SENP6: variants seen among roughly 807,000 people sequenced by gnomAD.
SENP6 encodes sentrin-specific protease 6.
Under a neutral mutation model 134.5 loss-of-function variants are expected in SENP6, and 41 were observed. The observed-to-expected ratio is 0.30, with a 90% CI of 0.24 to 0.40. The LOEUF (loss-of-function observed/expected upper bound fraction) is 0.40, where lower values mean the gene tolerates loss of function less well. Among genes scored for constraint, SENP6 ranks in the 10% least tolerant of loss-of-function variants. SENP6 has a pLI of 1.00. For missense variants in SENP6, 1,248 were observed against 1,312.5 expected (o/e 0.95, Z 0.76); for synonymous variants, 395 against 429.8 (o/e 0.92, Z 1.00).
chr6:75,624,960 C>T (rs1332634479), intron 3 of SENP6, among the ~76,000 whole-genome samples: 1 of 151,836 alleles, frequency 6.6e-6, no homozygotes, highest in African/African-American at 2.4e-5. Flanking sequence ...AGTGAGACTC[C>T]ATCTCTAAAA....
At chr6:75,683,084 TA>T (rs1238925481) in intron 16 of SENP6, among the ~76,000 whole-genome samples, 1 of 152,238 alleles carries the variant, frequency 6.6e-6, no homozygotes, top group Non-Finnish European at 1.5e-5. Flanking sequence ...CCTGACTTTT[TA>T]AAGATTGCCA....
chr6:75,713,390 TGA>T, intron 21 of SENP6, 121 bp from the exon 22 acceptor site: 1 of 747,138 alleles, frequency 1.3e-6, no homozygotes, highest in South Asian at 1.9e-5. Flanking sequence ...TCAGTAGTAC[TGA>T]GTCATACAAA....
chr6:75,615,648 G>A (rs1311243027), intron 1 of SENP6, among the ~76,000 whole-genome samples: 1 of 152,278 alleles, frequency 6.6e-6, no homozygotes, highest in East Asian at 1.9e-4. Flanking sequence ...CTGTCTTTTT[G>A]TGAGATTGCT....
chr6:75,624,092 C>T (rs1768484718), intron 3 of SENP6, 132 bp downstream of exon 3: 1 of 630,254 alleles, frequency 1.6e-6, no homozygotes, highest in Non-Finnish European at 2.7e-6. Context: ...ATGGTGTTCC[C>T]AGTTTGTTAT....
Position 75,697,452 on chromosome 6 carries a change from A to G in SENP6, c.2223A>G (p.Val741=), listed in dbSNP as rs1479294377. 7 of 1,613,512 alleles carry G rather than the reference A, an allele frequency of 4.3e-6. No individual in the cohort carries two copies. Among genetic ancestry groups the G allele is most frequent in the Non-Finnish European group, 5.9e-6 (7 of 1,179,604 alleles). The change falls in exon 18 of 24, where the codon GTA becomes GTG. Residue 741 remains valine (V), a synonymous_variant. Coordinates refer to ENST00000447266, the MANE Select transcript of SENP6 (RefSeq NM_015571.4). ...LSIQQKRHGR[V]KTWTRHVDIF... ...TACAGCAAAAACGGCATGGGAGAGT[A>G]AAAACATGGACCCGGCACGTAGATA...
At chr6:75,619,142 ATGT>A (rs1160786522) in intron 1 of SENP6, among the ~76,000 whole-genome samples, 2 of 152,014 alleles carry the variant, frequency 1.3e-5, no homozygotes, top group East Asian at 1.9e-4. Context: ...TACATTTATA[ATGT>A]TGTGCAGCCA....
At chr6:75,697,801 C>CA (rs1476967506) in intron 18 of SENP6, 30 of 267,768 alleles carry the variant, frequency 1.1e-4, no homozygotes, top group African/African-American at 5.7e-4. Flanking sequence ...TATTGTCTAG[C>CA]AAGTAACCTA....
chr6:75,690,693 TTTTTTG>T (rs1267734119), intron 16 of SENP6, among the ~76,000 whole-genome samples: 3 of 131,906 alleles, frequency 2.3e-5, no homozygotes, highest in Non-Finnish European at 3.5e-5. Context: ...GGTTTTTTTG[TTTTTTG>T]TTTTTTTTTT....
At chr6:75,626,354 T>C (rs1768693965) in intron 3 of SENP6, among the ~76,000 whole-genome samples, 1 of 151,918 alleles carries the variant, frequency 6.6e-6, no homozygotes, top group Non-Finnish European at 1.5e-5. Flanking sequence ...TATATATATA[T>C]ATGTAAGCAT....
At chr6:75,670,453 A>G (rs1432552516) in intron 10 of SENP6, 100 bp from the exon 11 acceptor site, 1 of 742,258 alleles carries the variant, frequency 1.3e-6, no homozygotes, top group Non-Finnish European at 2.1e-6. Flanking sequence ...TTATGTTGTG[A>G]TATTTACATT....
At chr6:75,668,060 T>TACC (rs1772383404) in intron 10 of SENP6, among the ~76,000 whole-genome samples, 1 of 152,186 alleles carries the variant, frequency 6.6e-6, no homozygotes, top group South Asian at 2.1e-4. Flanking sequence ...ACATATATAC[T>TACC]TGGTTATTAA....
At chr6:75,628,115 TATC>T (rs143455508) in intron 3 of SENP6, among the ~76,000 whole-genome samples, 1 of 152,352 alleles carries the variant, frequency 6.6e-6, no homozygotes, top group Non-Finnish European at 1.5e-5. Context: ...GATATGATAG[TATC>T]ATCTATTTTA....
chr6:75,650,194 A>C (rs2149851842), intron 7 of SENP6, among the ~76,000 whole-genome samples: 1 of 152,302 alleles, frequency 6.6e-6, no homozygotes, highest in South Asian at 2.1e-4. Flanking sequence ...CTTCCACAGA[A>C]ATGATGTTGT....
chr6:75,671,559 T>A (rs1390139448), intron 11 of SENP6, among the ~76,000 whole-genome samples: 1 of 152,054 alleles, frequency 6.6e-6, no homozygotes, highest in African/African-American at 2.4e-5. Context: ...CCATCTCTAC[T>A]AAAAATAGAA....
At position 75,715,748 on chromosome 6, in the gene SENP6, A is replaced by G; in HGVS notation, c.*154A>G. The G allele has an allele frequency of 1.9e-6, 1 of 534,486 alleles. No individual in the cohort carries two copies. Among genetic ancestry groups the G allele is most frequent in the South Asian group, 3.2e-5 (1 of 31,496 alleles). The allele number at this position is 534,486 out of a possible 1,614,324, so 33.1% of individuals were successfully genotyped here. A position where few individuals can be genotyped will look rare whatever the true frequency, so the allele number is the denominator to read the frequency against. ...ATAATTAATTTCCAAAGGCGTATGT[A>G]TTAAGTAAAAGTCTGTAAATATGTT... is the stretch of plus-strand genomic sequence containing the variant. On this transcript the variant is annotated 3_prime_UTR_variant, in exon 24 of 24. Coordinates refer to ENST00000447266, the MANE Select transcript of SENP6 (RefSeq NM_015571.4).
intron 7 of SENP6, among the ~76,000 whole-genome samples, chr6:75,653,688 C>A (rs1005869815): frequency 2.0e-5 from 3 of 149,598 alleles, no homozygotes; most frequent in Non-Finnish European, 4.4e-5. Context: ...GTTTATTTTG[C>A]AAATATATTT....
At chr6:75,647,607 C>T in intron 6 of SENP6, 124 bp from the exon 7 acceptor site, 1 of 507,014 alleles carries the variant, frequency 2.0e-6, no homozygotes, top group South Asian at 3.1e-5. Context: ...TATAGTATCA[C>T]TTTTTATATG....
At chr6:75,635,375 TACAAGAGTTA>T (rs1451448464) in intron 5 of SENP6, among the ~76,000 whole-genome samples, 1 of 152,174 alleles carries the variant, frequency 6.6e-6, no homozygotes, top group African/African-American at 2.4e-5. Flanking sequence ...ATTCTTAGGC[TACAAGAGTTA>T]AATAAATAAT....
At chr6:75,678,513 T>C in intron 14 of SENP6, 70 bp from the exon 15 acceptor site, 1 of 768,008 alleles carries the variant, frequency 1.3e-6, no homozygotes, top group Non-Finnish European at 2.2e-6. Context: ...CATTCTTGCC[T>C]TGTGCTTACC....
Sources: gnomAD v4.1 joint callset for allele counts (sites outside exome capture counted in the v4.1 genomes callset) on GRCh38, gnomAD v4.1.1 for gene constraint, MANE v1.5 for transcripts, NCBI Gene and HGNC (gene_info 2026-07-23, HGNC 2026-07-21) for gene names.